The following GPRC5D variants were observed in gnomAD, a reference collection of about 807,000 sequenced individuals.
GPRC5D encodes G protein-coupled receptor class C group 5 member D.
Under a neutral mutation model 29.3 loss-of-function variants are expected in GPRC5D, and 20 were observed. The ratio of observed to expected loss-of-function variants is 0.68; its 90% CI spans 0.48 to 0.99. The LOEUF is 0.99. Among genes scored for constraint, GPRC5D ranks in the 50% least tolerant of loss-of-function variants. The probability of loss-of-function intolerance (pLI) is 0.00; values close to 1 mark genes in which losing one functional copy is unlikely to be tolerated. For missense variants in GPRC5D, 384 were observed against 423.6 expected (o/e 0.91, Z 0.82); for synonymous variants, 178 against 171.3 (o/e 1.04, Z -0.30).
At chr12:12,942,422 C>A in intron 1 of GPRC5D, 94 bp from the exon 3 acceptor site, 1 of 792,360 alleles carries the variant, frequency 1.3e-6, no homozygotes, top group Non-Finnish European at 2.2e-6. Context: ...GGCTTGCAAA[C>A]AGGCTCTTCA....
intron 1 of GPRC5D, among the ~76,000 whole-genome samples, chr12:12,946,263 CCTTT>C (rs1565478145): frequency 2.4e-4 from 24 of 100,928 alleles, no homozygotes; most frequent in African/African-American, 5.7e-4. Flanking sequence ...TTCTTTCTTT[CCTTT>C]CTTCCTTCCT....
At chr12:12,944,830 C>CTTT (rs1207377523) in intron 1 of GPRC5D, among the ~76,000 whole-genome samples, 4 of 20,220 alleles carry the variant, frequency 2.0e-4, no homozygotes, top group African/African-American at 4.0e-4. Flanking sequence ...TCCTTCCTTC[C>CTTT]TTCCTTCCTT....
Position 12,949,522 on chromosome 12 carries a change from C to A in GPRC5D, c.863G>T (p.Ser288Ile), listed in dbSNP as rs753264210. ...GAGCTCCTGGTTCTCCACTTGGAAG[C>A]TGTGTTGGTAGGCTGTGACGGGGCA... The change falls in exon 1 of 3, where the codon AGC (serine) becomes ATC (isoleucine). Residue 288 changes from serine to isoleucine, a missense_variant. By Grantham distance (142) the Ser-to-Ile change is moderately radical. Coordinates refer to ENST00000228887, the Ensembl canonical transcript of GPRC5D. 6.2e-6 allele frequency: 10 copies of A among 1,613,848 alleles called. No individual in the cohort carries two copies. In the Admixed American group the frequency reaches 1.2e-4, roughly 19 times the overall value.
At chr12:12,949,269 G>A (rs1328488522) in intron 1 of GPRC5D, among the ~76,000 whole-genome samples, 2 of 152,056 alleles carry the variant, frequency 1.3e-5, no homozygotes, top group Admixed American at 6.5e-5. Context: ...GTATGTCTTG[G>A]TCTCTCCCCA....
chr12:12,944,040 G>A (rs1316656147), intron 1 of GPRC5D, among the ~76,000 whole-genome samples: 17 of 152,114 alleles, frequency 1.1e-4, no homozygotes, highest in South Asian at 6.2e-4. Flanking sequence ...GCAGAGTCTC[G>A]GAGCCTGGGC....
chr12:12,945,867 C>T (rs1414899397), intron 1 of GPRC5D, among the ~76,000 whole-genome samples: 1 of 152,202 alleles, frequency 6.6e-6, no homozygotes, highest in Non-Finnish European at 1.5e-5. Context: ...TTGAGGCCAA[C>T]TGATTTTTAA....
intron 1 of GPRC5D, among the ~76,000 whole-genome samples, chr12:12,949,072 C>T (rs971319153): frequency 2.0e-5 from 3 of 152,192 alleles, no homozygotes; most frequent in Non-Finnish European, 2.9e-5. Context: ...AAATGTCCAT[C>T]ACTGCTGCCA....
At chr12:12,941,831 A>T (rs1395920176) in intron 2 of GPRC5D, among the ~76,000 whole-genome samples, 1 of 152,204 alleles carries the variant, frequency 6.6e-6, no homozygotes, top group Admixed American at 6.6e-5. Context: ...CTGGAGCTAG[A>T]CAGTGACTCA....
chr12:12,944,740 T>A (rs138771634), intron 1 of GPRC5D, among the ~76,000 whole-genome samples: 1 of 124,326 alleles, frequency 8.0e-6, no homozygotes, highest in Admixed American at 8.8e-5. Flanking sequence ...GTGACACCTT[T>A]CTTCCTTCCT....
intron 1 of GPRC5D, among the ~76,000 whole-genome samples, chr12:12,946,489 C>G (rs576777607): frequency 3.3e-5 from 5 of 150,878 alleles, no homozygotes; most frequent in Admixed American, 6.6e-5. Context: ...CAGCCTTGCT[C>G]TGTTGCCCAG....
intron 1 of GPRC5D, among the ~76,000 whole-genome samples, chr12:12,949,241 T>C (rs1284977229): frequency 1.3e-5 from 2 of 152,160 alleles, no homozygotes; most frequent in Non-Finnish European, 2.9e-5. Flanking sequence ...CCCTCTTTAT[T>C]TAGGGCCTTT....
chr12:12,946,428 TTCTCTCTTTC>T (rs1863346220), intron 1 of GPRC5D, among the ~76,000 whole-genome samples: 1 of 54,624 alleles, frequency 1.8e-5, no homozygotes, highest in African/African-American at 3.6e-5. Context: ...CTCTCTCTCT[TTCTCTCTTTC>T]TCTCTCTCTC....
At chr12:12,950,788 C>T (rs1863476945), upstream of GPRC5D, among the ~76,000 whole-genome samples, 1 of 151,704 alleles carries the variant, frequency 6.6e-6, no homozygotes, top group Non-Finnish European at 1.5e-5. Context: ...GCCTGGGTGA[C>T]AGAGTGAGAC....
chr12:12,940,831 C>T, exon 3 of GPRC5D: 2 of 1,602,670 alleles, frequency 1.2e-6, no homozygotes, highest in Non-Finnish European at 1.7e-6. Context: ...ATGAAACACT[C>T]TTGTGTGGGA....
exon 1 of GPRC5D, chr12:12,949,717 A>G (rs373129195): frequency 7.4e-6 from 12 of 1,614,064 alleles, no homozygotes; most frequent in Admixed American, 1.7e-5. Flanking sequence ...TCTCAGGAGC[A>G]TGGAGATCCA....
chr12:12,944,802 CT>C (rs1565477010), intron 1 of GPRC5D, among the ~76,000 whole-genome samples: 1 of 12,234 alleles, frequency 8.2e-5, no homozygotes, highest in African/African-American at 1.8e-4. Context: ...CCTTCCTTCC[CT>C]TCCTTCCTTC....
At chr12:12,949,930 A>G (rs766101263) in exon 1 of GPRC5D, 1 of 1,614,062 alleles carries the variant, frequency 6.2e-7, no homozygotes, top group Non-Finnish European at 8.5e-7. Flanking sequence ...ACCTCTGGTC[A>G]TGATGAGAGT....
At chr12:12,944,754 T>G (rs1476997328) in intron 1 of GPRC5D, among the ~76,000 whole-genome samples, 4 of 45,938 alleles carry the variant, frequency 8.7e-5, no homozygotes, top group Non-Finnish European at 2.6e-4. Flanking sequence ...CCTTCCTTCC[T>G]TCCTTTCTTC....
chr12:12,946,470 C>G (rs1445302166), intron 1 of GPRC5D, among the ~76,000 whole-genome samples: 2 of 149,056 alleles, frequency 1.3e-5, no homozygotes, highest in African/African-American at 5.0e-5. Flanking sequence ...CTCTTTCTTT[C>G]TTTCGACGCA....
Sources: gnomAD v4.1 joint callset for allele counts (sites outside exome capture counted in the v4.1 genomes callset) on GRCh38, gnomAD v4.1.1 for gene constraint, MANE v1.5 for transcripts, NCBI Gene and HGNC (gene_info 2026-07-23, HGNC 2026-07-21) for gene names.